Variants in LRRK2 observed in about 807,000 individuals in gnomAD.
LRRK2 encodes leucine rich repeat kinase 2, also known as leucine-rich repeat serine/threonine-protein kinase 2.
Under a neutral mutation model 302.6 loss-of-function variants are expected in LRRK2, and 203 were observed. The observed-to-expected ratio is 0.67, with a 90% CI of 0.60 to 0.75. The LOEUF (loss-of-function observed/expected upper bound fraction) is 0.75, where lower values mean the gene tolerates loss of function less well. Ranked by LOEUF, LRRK2 falls within the 30% of genes least tolerant of loss-of-function variation. The probability of loss-of-function intolerance (pLI) is 0.00; values close to 1 mark genes in which losing one functional copy is unlikely to be tolerated. For synonymous variants in LRRK2, 1,066 were observed against 1,031.9 expected, an observed-to-expected ratio of 1.03 and a Z score of -0.63; for missense variants, 2,830 against 2,951.0, an observed-to-expected ratio of 0.96 and a Z score of 0.95.
chr12:40,293,618 A>G lies in LRRK2; in HGVS notation c.2763A>G (p.Val921=), dbSNP rs1194805684. Residue 921 remains valine (V), a synonymous_variant, in exon 21 of 51, where the codon GTA becomes GTG. Coordinates refer to ENST00000298910, the MANE Select transcript of LRRK2 (RefSeq NM_198578.4). The stretch of plus-strand genomic sequence containing the variant: ...TAGGAGAATTTTACCGAGATGCCGT[A>G]TTACAGCGTTGCTCACCAAATTTGC... ...ISVGEFYRDA[V]LQRCSPNLQR... is the part of the protein sequence containing the mutation. The G allele has an allele frequency of 7.4e-6, 12 of 1,611,862 alleles. No homozygotes were observed. The highest frequency in any genetic ancestry group is 1.0e-5 in the Non-Finnish European group (12 of 1,178,556).
intron 20 of LRRK2, among the ~76,000 whole-genome samples, chr12:40,290,875 A>G (rs554909610): frequency 5.3e-5 from 8 of 151,938 alleles, no homozygotes; most frequent in East Asian, 1.9e-4. Context: ...TAGATTCTTA[A>G]TTTGGAAGCT....
intron 7 of LRRK2, among the ~76,000 whole-genome samples, chr12:40,246,644 G>A (rs1941998849): frequency 6.6e-6 from 1 of 152,032 alleles, no homozygotes; most frequent in Admixed American, 6.6e-5. Flanking sequence ...AGCATCCTGA[G>A]GACTTAAATT....
chr12:40,251,423 C>T, intron 9 of LRRK2, 42 bp from the exon 10 acceptor site: 1 of 1,611,922 alleles, frequency 6.2e-7, no homozygotes, highest in Non-Finnish European at 8.5e-7. Context: ...GTTTTCCAGT[C>T]ATTTATATTT....
At position 40,310,449 on chromosome 12, in the gene LRRK2, C is replaced by G. The variant is rs200660418; in HGVS notation, c.4336C>G (p.Pro1446Ala). The change falls in exon 31 of 51, where the codon CCT (proline) becomes GCT (alanine). Residue 1446 changes from proline (P) to alanine (A), a missense_variant. Physicochemically the swap from Pro to Ala is conservative, Grantham distance 27. Around this residue, in one of 3 missense-constraint regions of LRRK2, gnomAD observed 2,121 missense variants for 2,148.0 expected, o/e 0.99. Coordinates refer to ENST00000298910, the MANE Select transcript of LRRK2 (RefSeq NM_198578.4). ...FNIKARASSS[P>A]VILVGTHLDV... ...CCTCCAGGCTCGCGCTTCTTCTTCC[C>G]CTGTGATTCTCGTTGGCACACATTT... The G allele has an allele frequency of 6.2e-7, 1 of 1,613,088 alleles. No homozygotes were observed. Among genetic ancestry groups the G allele is most frequent in the African/African-American group, 1.3e-5 (1 of 74,710 alleles).
At chr12:40,313,227 C>A (rs1945093926) in intron 31 of LRRK2, among the ~76,000 whole-genome samples, 1 of 151,910 alleles carries the variant, frequency 6.6e-6, no homozygotes, top group Admixed American at 6.6e-5. Flanking sequence ...AGTTGCATTT[C>A]TATTTAAAAT....
intron 18 of LRRK2, among the ~76,000 whole-genome samples, chr12:40,279,501 T>G (rs1483599708): frequency 1.3e-5 from 2 of 152,178 alleles, no homozygotes; most frequent in Non-Finnish European, 2.9e-5. Context: ...CATCAATAAT[T>G]TAATACATTT....
chr12:40,249,717 A>G (rs548317638), intron 7 of LRRK2, 109 bp from the exon 8 acceptor site: 2 of 1,268,108 alleles, frequency 1.6e-6, no homozygotes, highest in African/African-American at 1.5e-5. Context: ...TTTTAATGCC[A>G]TTGAATATTC....
chr12:40,283,651 A>G (rs2136656556), intron 18 of LRRK2, among the ~76,000 whole-genome samples: 1 of 152,292 alleles, frequency 6.6e-6, no homozygotes, highest in East Asian at 1.9e-4. Context: ...CTCTTTCATA[A>G]TAACTGACTG....
chr12:40,273,613 A>T (rs978703975), intron 14 of LRRK2, among the ~76,000 whole-genome samples: 23 of 152,126 alleles, frequency 1.5e-4, no homozygotes, highest in South Asian at 2.1e-4. Flanking sequence ...AGCTCTTTGG[A>T]TTATCTGTGG....
chr12:40,349,927 T>A (rs1171447829), intron 43 of LRRK2, among the ~76,000 whole-genome samples: 1 of 152,246 alleles, frequency 6.6e-6, no homozygotes, highest in Non-Finnish European at 1.5e-5. Flanking sequence ...ATTTTCTTGC[T>A]GCAAATTGCT....
chr12:40,309,197 A>G lies in LRRK2; in HGVS notation c.4281A>G (p.Glu1427=), dbSNP rs1189716217. 2.5e-6 allele frequency: 4 copies of G among 1,613,902 alleles called. No homozygotes were observed. Among genetic ancestry groups the G allele is most frequent in the Non-Finnish European group, 3.4e-6 (4 of 1,179,912 alleles). Residue 1427 remains glutamate (E), a synonymous_variant, in exon 30 of 51, where the codon GAA becomes GAG. Transcript: ENST00000298910. ...AVYDLSKGQA[E]VDAMKPWLFN... is the part of the protein sequence containing the mutation. ...ATGACCTCAGCAAGGGACAGGCTGA[A>G]GTTGATGCCATGAAGCCTTGGCTCT...
intron 16 of LRRK2, among the ~76,000 whole-genome samples, chr12:40,275,507 TAAA>T: frequency 8.4e-6 from 1 of 119,294 alleles, no homozygotes; most frequent in Admixed American, 7.9e-5. Context: ...AGATTAAGAA[TAAA>T]TTTGTTTTGT....
In LRRK2 at chr12:40,320,203, C is replaced by T. The variant is rs775584691; in HGVS notation, c.5015+28C>T. On this transcript the variant is annotated intron_variant, in intron 34 of 50. Coordinates refer to ENST00000298910, the MANE Select transcript of LRRK2 (RefSeq NM_198578.4). Reference sequence around the variant, plus strand: ...AAAGAAAACCTTAAAAAATTAATTGCTACATGGAAATTCACTATCTATTCT... The same window carrying T: ...AAAGAAAACCTTAAAAAATTAATTGTTACATGGAAATTCACTATCTATTCT... 1.9e-6 allele frequency: 3 copies of T among 1,561,860 alleles called. No homozygotes were observed. In the South Asian group the frequency reaches 3.3e-5, roughly 17 times the overall value.
At chr12:40,315,509 T>G (rs1157246955) in intron 33 of LRRK2, among the ~76,000 whole-genome samples, 1 of 152,026 alleles carries the variant, frequency 6.6e-6, no homozygotes, top group African/African-American at 2.4e-5. Flanking sequence ...CATGACTTGG[T>G]TTTCAAGCCA....
chr12:40,260,329 G>T (rs1942713982), intron 13 of LRRK2, among the ~76,000 whole-genome samples: 1 of 151,890 alleles, frequency 6.6e-6, no homozygotes, highest in Non-Finnish European at 1.5e-5. Flanking sequence ...TATATAAAAG[G>T]CTTTGAGAAT....
At position 40,320,058 on chromosome 12, in the gene LRRK2, A is replaced by C. The variant is rs1337127336; in HGVS notation, c.4898A>C (p.Lys1633Thr). Residue 1633 changes from lysine to threonine, a missense_variant, in exon 34 of 51, where the codon AAA becomes ACA. This residue lies in a region of LRRK2 where 2,121 missense variants were observed against 2,148.0 expected (regional missense o/e 0.99). Transcript: ENST00000298910. ...ATTATTTCGCGTAGAGATGTGGAAA[A>C]ATTTCTTTCAAAAAAAAGGAAATTT... The part of the protein sequence containing the change: ...KGIISRRDVE[K>T]FLSKKRKFPK... 6.2e-7 allele frequency: 1 copy of C among 1,611,752 alleles called. No individual in the cohort carries two copies. The highest frequency in any genetic ancestry group is 8.5e-7 in the Non-Finnish European group (1 of 1,178,802).
In LRRK2 at chr12:40,257,193, T is replaced by C. The variant is rs1020771865; in HGVS notation, c.1289-55T>C. On this transcript the variant is annotated intron_variant, in intron 11 of 50. Coordinates refer to ENST00000298910, the MANE Select transcript of LRRK2 (RefSeq NM_198578.4). ...TATATTAATATTCTAAAGCTTATGG[T>C]AAAATTATGAAAATATGCTTTCATA... 34 of 1,310,376 alleles carry C rather than the reference T, an allele frequency of 2.6e-5. 2 individuals carry two copies. In the South Asian group the frequency reaches 3.4e-4, roughly 13 times the overall value. 81.2% of individuals were successfully genotyped at this position (1,310,376 alleles called of 1,614,324 possible). A position where few individuals can be genotyped will look rare whatever the true frequency, so the allele number is the denominator to read the frequency against.
chr12:40,290,890 A>G (rs76434788), intron 20 of LRRK2, among the ~76,000 whole-genome samples: 3,791 of 152,194 alleles, frequency 0.025, 78 homozygotes, highest in Middle Eastern at 0.051. Flanking sequence ...GAAGCTTAGA[A>G]CACTGGTTTT....
intron 4 of LRRK2, among the ~76,000 whole-genome samples, chr12:40,236,980 C>A (rs1439296692): frequency 2.6e-5 from 4 of 151,932 alleles, no homozygotes; most frequent in African/African-American, 7.3e-5. Context: ...TACTACTACT[C>A]CTATTCCAGT....
Sources: gnomAD v4.1 joint callset for allele counts (sites outside exome capture counted in the v4.1 genomes callset) on GRCh38, gnomAD v4.1.1 for gene constraint, gnomAD v4.1.1 regional missense constraint, MANE v1.5 for transcripts, NCBI Gene and HGNC (gene_info 2026-07-23, HGNC 2026-07-21) for gene names.